The following DPYSL5 variants were observed in gnomAD, a reference collection of about 807,000 sequenced individuals.
DPYSL5 encodes the protein dihydropyrimidinase like 5.
DPYSL5 carries 9 observed loss-of-function variants against 58.4 expected under a neutral mutation model. The observed-to-expected ratio is 0.15, with a 90% CI of 0.09 to 0.27. The LOEUF (loss-of-function observed/expected upper bound fraction) is 0.27. Ranked by LOEUF, DPYSL5 falls within the 10% of genes least tolerant of loss-of-function variation. DPYSL5 has a pLI of 1.00. For missense variants in DPYSL5, 499 were observed against 770.6 expected, an observed-to-expected ratio of 0.65 and a Z score of 4.17; for synonymous variants, 293 against 301.9, an observed-to-expected ratio of 0.97 and a Z score of 0.31.
At chr2:26,901,439 G>T (rs1341537974) in intron 2 of DPYSL5, among the ~76,000 whole-genome samples, 2 of 151,978 alleles carry the variant, frequency 1.3e-5, no homozygotes, top group East Asian at 3.9e-4. Flanking sequence ...TCCTGCAGCC[G>T]AATGGTGTAG....
At chr2:26,917,020 C>T (rs877272) in intron 2 of DPYSL5, among the ~76,000 whole-genome samples, 87,967 of 152,058 alleles carry the variant, frequency 0.58, 26,030 homozygotes, top group South Asian at 0.7. Flanking sequence ...GGGCTAGGTG[C>T]CTTATATGCT....
chr2:26,906,788 T>A (rs1225962805), intron 2 of DPYSL5, among the ~76,000 whole-genome samples: 1 of 152,204 alleles, frequency 6.6e-6, no homozygotes, highest in Non-Finnish European at 1.5e-5. Context: ...AGAGATAGAA[T>A]CTGGCCCTGT....
intron 1 of DPYSL5, among the ~76,000 whole-genome samples, chr2:26,886,280 A>G (rs541812423): frequency 5.3e-5 from 8 of 152,286 alleles, no homozygotes; most frequent in African/African-American, 1.9e-4. Context: ...CATATAAACT[A>G]GATACCTTTG....
At chr2:26,864,070 CTATCTCTTTCAAAAAA>C (rs1415906771) in intron 1 of DPYSL5, among the ~76,000 whole-genome samples, 1 of 152,096 alleles carries the variant, frequency 6.6e-6, no homozygotes, top group East Asian at 1.9e-4. Context: ...TGACAAAACC[CTATCTCTTTCAAAAAA>C]ATACAAAAAT....
chr2:26,889,648 G>A (rs1240408256), intron 1 of DPYSL5, among the ~76,000 whole-genome samples: 4 of 151,934 alleles, frequency 2.6e-5, no homozygotes, highest in African/African-American at 9.7e-5. Flanking sequence ...TGGAGCAGAG[G>A]GAAGAGAGTC....
rs1367420047 is a variant in DPYSL5 at position 26,934,031 on chromosome 2, G to A, written c.791-547G>A. ...TCAACTCTATCGCCCTCTAGATCCC[G>A]CCACCTGCCTCTCCCCTCACTGAAG... On this transcript the variant is annotated intron_variant, in intron 7 of 12. Transcript: ENST00000288699. The surrounding 1 kb of genome is among the most constrained non-coding windows in gnomAD (Gnocchi z 4.3). Among the ~76,000 whole-genome samples, 1 of 151,958 alleles carries A rather than the reference G, an allele frequency of 6.6e-6. No individual in the cohort carries two copies. Among genetic ancestry groups the A allele is most frequent in the Middle Eastern group, 3.2e-3 (1 of 316 alleles).
Position 26,924,060 on chromosome 2 carries a change from T to G in DPYSL5, c.262-827T>G, listed in dbSNP as rs1302424288. 6.6e-6 allele frequency among the ~76,000 whole-genome samples: 1 copy of G among 152,254 alleles called. No individual in the cohort carries two copies. The highest frequency in any genetic ancestry group is 1.9e-4 in the East Asian group (1 of 5,204). ...GTTTTGGAACTTCACAGAAGTCCCC[T>G]GATGAAATTCACTTTTAAAAAGTTG... On this transcript the variant is annotated intron_variant, in intron 2 of 12. Coordinates refer to ENST00000288699, the MANE Select transcript of DPYSL5 (RefSeq NM_020134.4). The surrounding 1 kb of genome is among the most constrained non-coding windows in gnomAD (Gnocchi z 4.7).
At chr2:26,928,877 T>G (rs1396278810) in intron 5 of DPYSL5, among the ~76,000 whole-genome samples, 2 of 151,176 alleles carry the variant, frequency 1.3e-5, no homozygotes, top group Non-Finnish European at 2.9e-5. Context: ...TGCCCAAAAC[T>G]GAATCAAGAG....
At chr2:26,870,092 T>TG (rs771871077) in intron 1 of DPYSL5, among the ~76,000 whole-genome samples, 1 of 152,256 alleles carries the variant, frequency 6.6e-6, no homozygotes, top group Non-Finnish European at 1.5e-5. Flanking sequence ...CTGCGTTTTC[T>TG]GGCAACTTGT....
intron 12 of DPYSL5, among the ~76,000 whole-genome samples, chr2:26,946,349 G>T (rs1397479298): frequency 2.0e-5 from 3 of 151,882 alleles, no homozygotes; most frequent in African/African-American, 7.3e-5. Context: ...GCTGAAGAAT[G>T]TCCCACTGGG....
In DPYSL5 at chr2:26,942,401, G is replaced by GT. The variant is rs1458301868; in HGVS notation, c.1233-141dup. On this transcript the variant is annotated intron_variant, in intron 10 of 12. Coordinates refer to ENST00000288699, the MANE Select transcript of DPYSL5 (RefSeq NM_020134.4). This position sits in a 1 kb window ranked among gnomAD's most constrained non-coding sequence, Gnocchi z 5.9. ...ATAGTGCCATGTTCTGAGGTTCTGGGTGTTAGAACTTCAGCAGAAGAATTT... is the reference window on the plus strand; with the variant it reads ...ATAGTGCCATGTTCTGAGGTTCTGGGTTGTTAGAACTTCAGCAGAAGAATTT... 2 of 979,848 alleles carry GT rather than the reference G, an allele frequency of 2.0e-6. No individual in the cohort carries two copies. The highest frequency in any genetic ancestry group is 3.3e-5 in the African/African-American group (2 of 61,376). 60.7% of individuals were successfully genotyped at this position (979,848 alleles called of 1,614,324 possible).
At chr2:26,900,706 T>C (rs910939843) in intron 2 of DPYSL5, among the ~76,000 whole-genome samples, 6 of 152,290 alleles carry the variant, frequency 3.9e-5, no homozygotes, top group Admixed American at 6.5e-5. Flanking sequence ...CCAGCAGTAG[T>C]GTAAGAGAGG....
At chr2:26,931,169 A>ATGTGTGTGTG (rs1324624030) in intron 5 of DPYSL5, among the ~76,000 whole-genome samples, 977 of 45,540 alleles carry the variant, frequency 0.021, 39 homozygotes, top group Non-Finnish European at 0.029. Context: ...ATATATATAT[A>ATGTGTGTGTG]TGTGTGTGTG....
intron 1 of DPYSL5, among the ~76,000 whole-genome samples, chr2:26,880,452 C>T (rs992596813): frequency 3.3e-5 from 5 of 152,338 alleles, no homozygotes; most frequent in African/African-American, 7.2e-5. Context: ...ATCCTGCTCC[C>T]GCTGTGCCAG....
At chr2:26,863,453 A>G (rs894725657) in intron 1 of DPYSL5, among the ~76,000 whole-genome samples, 2 of 152,232 alleles carry the variant, frequency 1.3e-5, no homozygotes, top group Non-Finnish European at 2.9e-5. Context: ...GGTAAAGGAA[A>G]AGGAGCTCAT....
intron 5 of DPYSL5, among the ~76,000 whole-genome samples, chr2:26,928,651 G>A (rs1445032688): frequency 1.4e-5 from 2 of 145,112 alleles, no homozygotes; most frequent in Non-Finnish European, 3.0e-5. Flanking sequence ...GCAGTGAGCC[G>A]TGATGATGCC....
chr2:26,860,131 T>A (rs553280623), intron 1 of DPYSL5, among the ~76,000 whole-genome samples: 1 of 152,342 alleles, frequency 6.6e-6, no homozygotes, highest in Non-Finnish European at 1.5e-5. Context: ...AGTGAAAACG[T>A]GCACTGAGTC....
intron 1 of DPYSL5, among the ~76,000 whole-genome samples, chr2:26,855,911 C>A (rs1401937635): frequency 6.6e-6 from 1 of 152,082 alleles, no homozygotes; most frequent in Non-Finnish European, 1.5e-5. Context: ...CAAAAACAAC[C>A]CCCAATTTTT....
At chr2:26,897,890 G>A (rs1384761530) in intron 1 of DPYSL5, among the ~76,000 whole-genome samples, 2 of 152,192 alleles carry the variant, frequency 1.3e-5, no homozygotes, top group African/African-American at 4.8e-5. Flanking sequence ...CAGCTGTGGA[G>A]CTAAGTGTTG....
Sources: allele counts gnomAD v4.1 joint callset (sites outside exome capture counted in the v4.1 genomes callset), GRCh38; gene constraint gnomAD v4.1.1; non-coding constraint Gnocchi (gnomAD v3.1); transcripts MANE v1.5; gene names NCBI Gene and HGNC (gene_info 2026-07-23, HGNC 2026-07-21).